Variants in PITPNM2 observed in about 807,000 individuals in gnomAD.
PITPNM2 encodes the protein membrane-associated phosphatidylinositol transfer protein 2.
PITPNM2 carries 35 observed loss-of-function variants against 132.2 expected under a neutral mutation model. The ratio of observed to expected loss-of-function variants is 0.26; its 90% CI spans 0.20 to 0.35. The LOEUF (loss-of-function observed/expected upper bound fraction) is 0.35. Ranked by LOEUF, PITPNM2 falls within the 10% of genes least tolerant of loss-of-function variation. The probability of loss-of-function intolerance (pLI) is 1.00; values close to 1 mark genes in which losing one functional copy is unlikely to be tolerated. For synonymous variants in PITPNM2, 738 were observed against 799.2 expected (o/e 0.92, Z 1.29); for missense variants, 1,332 against 1,912.0 (o/e 0.70, Z 5.66).
intron 1 of PITPNM2, among the ~76,000 whole-genome samples, chr12:123,120,483 T>A (rs554698574): frequency 6.6e-6 from 1 of 152,308 alleles, no homozygotes; most frequent in East Asian, 1.9e-4. Context: ...ACCACAGACC[T>A]CTCATATGGA....
intron 2 of PITPNM2, among the ~76,000 whole-genome samples, chr12:123,049,549 G>C (rs1459016270): frequency 6.6e-6 from 1 of 152,180 alleles, no homozygotes; most frequent in African/African-American, 2.4e-5. Flanking sequence ...CCAGGGAACA[G>C]CTGCTCCCTC....
chr12:122,989,869 G>T lies in PITPNM2; in HGVS notation c.2649C>A (p.Thr883=). Residue 883 remains threonine (T), a synonymous_variant, in exon 18 of 26, where the codon ACC becomes ACA. Transcript: ENST00000320201. ...TCCTGGCTGGAGGGTGGGGGCCAGG[G>T]GTGGTGGGGCTGGGGGCGGGCAGGG... ...LLALPAPSPT[T]PGPHPPARKA... 7.4e-7 allele frequency: 1 copy of T among 1,352,124 alleles called. No homozygotes were observed. The highest frequency in any genetic ancestry group is 9.6e-7 in the Non-Finnish European group (1 of 1,046,690). 83.8% of individuals were successfully genotyped at this position (1,352,124 alleles called of 1,614,324 possible). A position where few individuals can be genotyped will look rare whatever the true frequency, so the allele number is the denominator to read the frequency against.
chr12:123,147,437 C>T (rs2043640096), intron 1 of PITPNM2, among the ~76,000 whole-genome samples: 1 of 152,188 alleles, frequency 6.6e-6, no homozygotes, highest in African/African-American at 2.4e-5. Flanking sequence ...ATCTCAGCTA[C>T]AGGCGCACAC....
chr12:123,057,214 C>T (rs1027265963), intron 2 of PITPNM2, among the ~76,000 whole-genome samples: 3 of 151,894 alleles, frequency 2.0e-5, no homozygotes, highest in Non-Finnish European at 4.4e-5. Context: ...AACCCCGTCT[C>T]TACTAAAAAT....
chr12:123,018,458 CT>C (rs2039534629), intron 3 of PITPNM2, among the ~76,000 whole-genome samples: 2 of 151,714 alleles, frequency 1.3e-5, no homozygotes, highest in Admixed American at 1.3e-4. Context: ...CCATGCCTGA[CT>C]AATTTTTGTA....
rs12828755 is a variant in PITPNM2 at position 122,986,039 on chromosome 12, C to T, written c.4038G>A (p.Ala1346=). Residue 1346 remains alanine, a synonymous_variant, in exon 26 of 26, where the codon GCG becomes GCA. Transcript: ENST00000320201. ...MTGRLEPGAA[A]GPK ...CACTCACGGTGCCCTACTTGGGGCC[C>T]GCGGCTGCCCCCGGCTCCAGGCGGC... The T allele has an allele frequency of 0.19, 268,917 of 1,401,322 alleles. 27,224 individuals carry two copies. Among genetic ancestry groups the T allele is most frequent in the Middle Eastern group, 0.25 (975 of 3,838 alleles). The allele number at this position is 1,401,322 out of a possible 1,614,324, so 86.8% of individuals were successfully genotyped here.
In PITPNM2 at chr12:122,994,920, A is replaced by T; in HGVS notation, c.2114T>A (p.Met705Lys). ...PCSRHSSSSTMLDGTGALGRF... is the reference protein window; with the variant it reads ...PCSRHSSSSTKLDGTGALGRF... The stretch of plus-strand genomic sequence containing the variant: ...GCCCAGGGCACCTGTGCCATCCAGC[A>T]TGGTGGAGCTGCTGGAATGGCGTGA... Residue 705 changes from methionine (M) to lysine (K), a missense_variant, in exon 15 of 26, where the codon ATG (methionine) becomes AAG (lysine). By Grantham distance (95) the Met-to-Lys change is moderately conservative. Around this residue, in one of 6 missense-constraint regions of PITPNM2, gnomAD observed 710 missense variants for 911.5 expected, o/e 0.78. Coordinates refer to ENST00000320201, the MANE Select transcript of PITPNM2 (RefSeq NM_020845.3). This position sits in a 1 kb window ranked among gnomAD's most constrained non-coding sequence, Gnocchi z 5.4. 1 of 1,612,048 alleles carries T rather than the reference A, an allele frequency of 6.2e-7. No individual in the cohort carries two copies. The highest frequency in any genetic ancestry group is 8.5e-7 in the Non-Finnish European group (1 of 1,179,842).
In PITPNM2 at chr12:122,989,949, C is replaced by CT; in HGVS notation, c.2570-2dup. ...GTATGGCTGAGCGCATCGGGGGCCTCTGAGAAGCAAGAGCAATGGATGGCT... is the reference window on the plus strand; with the variant it reads ...GTATGGCTGAGCGCATCGGGGGCCTCTTGAGAAGCAAGAGCAATGGATGGCT... On this transcript the variant is annotated splice_acceptor_variant, in intron 17 of 25. Coordinates refer to ENST00000320201, the MANE Select transcript of PITPNM2 (RefSeq NM_020845.3). LOFTEE classifies it high-confidence loss of function. 1 of 1,302,172 alleles carries CT rather than the reference C, an allele frequency of 7.7e-7. No homozygotes were observed. The highest frequency in any genetic ancestry group is 3.1e-5 in the East Asian group (1 of 31,992). 80.7% of individuals were successfully genotyped at this position (1,302,172 alleles called of 1,614,324 possible).
chr12:122,988,844 C>A lies in PITPNM2; in HGVS notation c.2760G>T (p.Arg920=). ...EVAAKWWGQK[R]IDYALYCPDA... The stretch of plus-strand genomic sequence containing the variant: ...CAGGGCAGTACAGGGCGTAGTCGAT[C>A]CGCTTCTGGCCCCACCACTTTGCAG... Residue 920 remains arginine (R), a synonymous_variant, in exon 19 of 26, where the codon CGG becomes CGT. Coordinates refer to ENST00000320201, the MANE Select transcript of PITPNM2 (RefSeq NM_020845.3). 6.4e-7 allele frequency: 1 copy of A among 1,574,222 alleles called. No individual in the cohort carries two copies.
rs2038219720 is a variant in PITPNM2, at chr12:122,992,199, C to G, written c.2404+300G>C. ...TGTCTCTGTTGGGATGGAGGCTCAGCTGTGGAGAGGGGAGTCTGGTCTTGT... is the reference window on the plus strand; with the variant it reads ...TGTCTCTGTTGGGATGGAGGCTCAGGTGTGGAGAGGGGAGTCTGGTCTTGT... On this transcript the variant is annotated intron_variant, in intron 16 of 25. Coordinates refer to ENST00000320201, the MANE Select transcript of PITPNM2 (RefSeq NM_020845.3). The surrounding 1 kb of genome is among the most constrained non-coding windows in gnomAD (Gnocchi z 6.5). 6.6e-6 allele frequency among the ~76,000 whole-genome samples: 1 copy of G among 152,170 alleles called. No homozygotes were observed. The highest frequency in any genetic ancestry group is 1.5e-5 in the Non-Finnish European group (1 of 68,020).
At chr12:123,081,391 G>C (rs944882706) in intron 2 of PITPNM2, 1 of 152,396 alleles carries the variant, frequency 6.6e-6, no homozygotes, top group Non-Finnish European at 1.5e-5. Context: ...TGGAATGTCT[G>C]GGCAGGGGCT....
At chr12:122,986,856 C>T in intron 23 of PITPNM2, 27 bp from the exon 24 acceptor site, 3 of 1,572,684 alleles carry the variant, frequency 1.9e-6, no homozygotes, top group Non-Finnish European at 2.6e-6. Flanking sequence ...GTCTCATGGT[C>T]ACCCCTTCCT....
In PITPNM2 at chr12:122,994,993, T is replaced by C. The variant is rs1317707491; in HGVS notation, c.2055-14A>G. On this transcript the variant is annotated splice_polypyrimidine_tract_variant and intron_variant, in intron 14 of 25. Transcript: ENST00000320201. This position sits in a 1 kb window ranked among gnomAD's most constrained non-coding sequence, Gnocchi z 5.4. ...CTGGCATGGAGGCTGCAGACCCAAA[T>C]AAGACTTAGCTGTCATGTGGGTGCA... 1 of 1,589,598 alleles carries C rather than the reference T, an allele frequency of 6.3e-7. No homozygotes were observed. Among genetic ancestry groups the C allele is most frequent in the Non-Finnish European group, 8.5e-7 (1 of 1,169,900 alleles).
intron 1 of PITPNM2, among the ~76,000 whole-genome samples, chr12:123,118,761 C>G (rs1241348348): frequency 6.6e-6 from 1 of 152,214 alleles, no homozygotes; most frequent in Non-Finnish European, 1.5e-5. Flanking sequence ...TAACGGAGAG[C>G]TCCTCAGAGT....
At chr12:123,028,253 C>G (rs571972003) in intron 3 of PITPNM2, among the ~76,000 whole-genome samples, 9 of 152,348 alleles carry the variant, frequency 5.9e-5, no homozygotes, top group East Asian at 5.8e-4. Flanking sequence ...TCACCTTTAA[C>G]ACGGTGTATA....
rs883263 is a variant in PITPNM2 at position 123,000,641 on chromosome 12, A to C, written c.1224+137T>G. On this transcript the variant is annotated intron_variant, in intron 10 of 25. Transcript: ENST00000320201. This position sits in a 1 kb window ranked among gnomAD's most constrained non-coding sequence, Gnocchi z 5.4. ...AAAAAGGAGGCCCAGGCCTCTCCCC[A>C]GACAGTACCCAGGCAGGCGTGGAGG... 8 of 1,001,246 alleles carry C rather than the reference A, an allele frequency of 8.0e-6. No homozygotes were observed. In the African/African-American group the frequency reaches 1.3e-4, roughly 16 times the overall value. 62.0% of individuals were successfully genotyped at this position (1,001,246 alleles called of 1,614,324 possible). A position where few individuals can be genotyped will look rare whatever the true frequency, so the allele number is the denominator to read the frequency against.
At chr12:123,143,375 A>T (rs1020246872) in intron 1 of PITPNM2, among the ~76,000 whole-genome samples, 14 of 152,198 alleles carry the variant, frequency 9.2e-5, no homozygotes, top group Non-Finnish European at 1.3e-4. Flanking sequence ...GAAGCCCCCC[A>T]GCTGCCAAAA....
At chr12:122,991,910 C>G (rs761905928) in intron 16 of PITPNM2, 9 of 1,308,086 alleles carry the variant, frequency 6.9e-6, no homozygotes, top group Non-Finnish European at 8.8e-6. Context: ...TGGAGGCAGA[C>G]GGGGAGAGAA....
At chr12:123,147,960 C>G (rs188132415) in intron 1 of PITPNM2, among the ~76,000 whole-genome samples, 1 of 152,274 alleles carries the variant, frequency 6.6e-6, no homozygotes, top group East Asian at 1.9e-4. Flanking sequence ...AAGGAGAAAG[C>G]AACCTAGTTT....
Sources: gnomAD v4.1 joint callset for allele counts (sites outside exome capture counted in the v4.1 genomes callset) on GRCh38, gnomAD v4.1.1 for gene constraint, gnomAD v4.1.1 regional missense constraint, Gnocchi (gnomAD v3.1) non-coding constraint, MANE v1.5 for transcripts, NCBI Gene and HGNC (gene_info 2026-07-23, HGNC 2026-07-21) for gene names.